The following FSD1L variants were observed in gnomAD, a reference collection of about 807,000 sequenced individuals.
The protein encoded by FSD1L is FSD1-like protein.
A neutral mutation model predicts 71.6 loss-of-function variants in FSD1L; 45 were observed. The ratio of observed to expected loss-of-function variants is 0.63; its 90% CI spans 0.49 to 0.81. The LOEUF (loss-of-function observed/expected upper bound fraction) is 0.81. Ranked by LOEUF, FSD1L falls within the 30% of genes least tolerant of loss-of-function variation. The probability of loss-of-function intolerance (pLI) is 0.00; values close to 1 mark genes in which losing one functional copy is unlikely to be tolerated. For missense variants in FSD1L, 561 were observed against 618.1 expected (o/e 0.91, Z 0.98); for synonymous variants, 197 against 207.2 (o/e 0.95, Z 0.42).
chr9:105,533,414 A>ATCT (rs1836030448), intron 10 of FSD1L, among the ~76,000 whole-genome samples: 1 of 13,376 alleles, frequency 7.5e-5, no homozygotes, highest in African/African-American at 2.1e-4. Context: ...TGCCATTTCC[A>ATCT]TCTTTTTTTT....
At chr9:105,487,094 T>C (rs2131723142) in intron 7 of FSD1L, among the ~76,000 whole-genome samples, 1 of 152,268 alleles carries the variant, frequency 6.6e-6, no homozygotes, top group Non-Finnish European at 1.5e-5. Context: ...TAATTTTGCT[T>C]TGCCACTTAA....
rs945971206 is a variant in FSD1L, at chr9:105,534,663, C to T, written c.1126+70C>T. On this transcript the variant is annotated intron_variant, in intron 11 of 13. Transcript: ENST00000481272. ...ATCACAATCACACTGGTGGACTTTC[C>T]ACTCAAAGTGACTGCCTGTATATTG... The T allele has an allele frequency of 2.1e-5, 18 of 871,694 alleles. No individual in the cohort carries two copies. In the East Asian group the frequency reaches 2.7e-4, roughly 13 times the overall value. The allele number at this position is 871,694 out of a possible 1,614,324, so 54.0% of individuals were successfully genotyped here.
chr9:105,524,146 G>A (rs1835356380), intron 10 of FSD1L: 4 of 1,612,204 alleles, frequency 2.5e-6, no homozygotes, highest in East Asian at 2.2e-5. Flanking sequence ...TGTAGTTTAG[G>A]TATTTGGATT....
At position 105,533,919 on chromosome 9, in the gene FSD1L, C is replaced by T. The variant is rs137881201; in HGVS notation, c.1026-574C>T. Among the ~76,000 whole-genome samples, 1,403 of 152,148 alleles carry T rather than the reference C, an allele frequency of 9.2e-3. 22 individuals are homozygous for T. The highest frequency in any genetic ancestry group is 0.032 in the African/African-American group (1,344 of 41,522). ...TGTATTTTTAGTAGAGATGGGGTTT[C>T]TCCACGTTAGTCAGGCTCGTCTCGA... On this transcript the variant is annotated intron_variant, in intron 10 of 13. Coordinates refer to ENST00000481272, the MANE Select transcript of FSD1L (RefSeq NM_001145313.3).
chr9:105,479,285 C>T (rs1429991743), intron 5 of FSD1L, 69 bp from the exon 6 acceptor site: 3 of 1,380,640 alleles, frequency 2.2e-6, no homozygotes, highest in Middle Eastern at 1.8e-4. Context: ...TCTTGCATGT[C>T]ACTGCCATTG....
chr9:105,514,736 T>C (rs1834598117), intron 10 of FSD1L, among the ~76,000 whole-genome samples: 1 of 152,098 alleles, frequency 6.6e-6, no homozygotes. Flanking sequence ...GTTCAATTTT[T>C]CCCAACAGAA....
At chr9:105,495,523 G>C (rs996667877) in intron 7 of FSD1L, among the ~76,000 whole-genome samples, 2 of 152,196 alleles carry the variant, frequency 1.3e-5, no homozygotes, top group African/African-American at 4.8e-5. Context: ...TGCGCCCACT[G>C]TCTGGCACTC....
chr9:105,521,586 A>G, intron 10 of FSD1L: 4 of 1,613,524 alleles, frequency 2.5e-6, no homozygotes, highest in Non-Finnish European at 3.4e-6. Context: ...ACAAGAGGAA[A>G]AACCTTTGTT....
intron 10 of FSD1L, chr9:105,522,264 A>G (rs1589071568): frequency 1.2e-6 from 2 of 1,613,468 alleles, no homozygotes; most frequent in East Asian, 2.2e-5. Context: ...GACATTAACT[A>G]AAGTTTTAGC....
intron 2 of FSD1L, among the ~76,000 whole-genome samples, chr9:105,462,219 GT>G (rs775069927): frequency 3.3e-4 from 44 of 134,718 alleles, no homozygotes; most frequent in East Asian, 4.3e-4. Context: ...TTTAAGTTTT[GT>G]TTTTTTTTTT....
intron 7 of FSD1L, among the ~76,000 whole-genome samples, chr9:105,492,657 A>G (rs1213648507): frequency 2.0e-5 from 3 of 152,110 alleles, no homozygotes; most frequent in Non-Finnish European, 4.4e-5. Context: ...ATTTCCCTCT[A>G]CACACTGCTT....
intron 7 of FSD1L, among the ~76,000 whole-genome samples, chr9:105,489,231 A>G (rs968196855): frequency 6.6e-6 from 1 of 152,170 alleles, no homozygotes; most frequent in Non-Finnish European, 1.5e-5. Context: ...ATGCATGGTG[A>G]AGCCTACATA....
intron 10 of FSD1L, chr9:105,523,885 T>A: frequency 1.3e-6 from 2 of 1,592,232 alleles, no homozygotes; most frequent in South Asian, 1.1e-5. Flanking sequence ...ACAATGCTTA[T>A]TATGGATTTT....
At chr9:105,499,603 G>A (rs1265658730) in intron 7 of FSD1L, among the ~76,000 whole-genome samples, 1 of 151,150 alleles carries the variant, frequency 6.6e-6, no homozygotes, top group African/African-American at 2.4e-5. Context: ...TGTTTTCCTT[G>A]TCTTTGATTT....
intron 8 of FSD1L, 31 bp from the exon 9 acceptor site, chr9:105,508,586 A>T (rs1208146427): frequency 7.7e-7 from 1 of 1,293,966 alleles, no homozygotes; most frequent in Non-Finnish European, 1.1e-6. Flanking sequence ...TTTACTGTAC[A>T]TGTCTGAAAA....
chr9:105,513,717 A>G (rs1834533645), intron 10 of FSD1L: 1 of 1,049,318 alleles, frequency 9.5e-7, no homozygotes, highest in South Asian at 1.5e-5. Context: ...CTTTTAACCA[A>G]TAAGCAGAAG....
chr9:105,503,738 C>T lies in FSD1L; in HGVS notation c.587-2661C>T, dbSNP rs143395940. 3.5e-4 allele frequency among the ~76,000 whole-genome samples: 53 copies of T among 152,218 alleles called. No homozygotes were observed. The Middle Eastern group carries it at 0.01, about 29-fold the overall frequency. ...TTCATCTTCCCCTGAATTTGTATGCCGTATTTGATGAATTGTTTTCTTACT... is the reference window on the plus strand; with the variant it reads ...TTCATCTTCCCCTGAATTTGTATGCTGTATTTGATGAATTGTTTTCTTACT... On this transcript the variant is annotated intron_variant, in intron 7 of 13. Transcript: ENST00000481272.
upstream of FSD1L, among the ~76,000 whole-genome samples, chr9:105,447,328 A>T (rs1329276540): frequency 1.2e-5 from 1 of 81,810 alleles, no homozygotes; most frequent in Non-Finnish European, 3.1e-5. Flanking sequence ...CATCTCCAAA[A>T]AAAAAAAAAA....
chr9:105,529,153 TG>T, intron 10 of FSD1L, among the ~76,000 whole-genome samples: 1 of 152,210 alleles, frequency 6.6e-6, no homozygotes, highest in Non-Finnish European at 1.5e-5. Context: ...AAATAGGAAC[TG>T]TTCTACACTG....
Sources: gnomAD v4.1 joint callset for allele counts (sites outside exome capture counted in the v4.1 genomes callset) on GRCh38, gnomAD v4.1.1 for gene constraint, MANE v1.5 for transcripts, NCBI Gene and HGNC (gene_info 2026-07-23, HGNC 2026-07-21) for gene names.